Variants in SERPINA4 observed in about 807,000 individuals in gnomAD.
SERPINA4 encodes the protein serpin family A member 4.
A neutral mutation model predicts 25.4 loss-of-function variants in SERPINA4; 24 were observed. The ratio of observed to expected loss-of-function variants is 0.95; its 90% CI spans 0.69 to 1.33. SERPINA4 has a LOEUF of 1.33. Ranked by LOEUF, SERPINA4 falls within the 40% of genes most tolerant of loss-of-function variation. The pLI is 0.00. For missense variants in SERPINA4, 553 were observed against 535.8 expected (o/e 1.03, Z -0.32); for synonymous variants, 242 against 223.6 (o/e 1.08, Z -0.73).
intron 1 of SERPINA4, among the ~76,000 whole-genome samples, chr14:94,562,086 A>G (rs571855874): frequency 5.9e-5 from 9 of 152,374 alleles, no homozygotes; most frequent in African/African-American, 2.2e-4. Context: ...TGAAAAATCA[A>G]TAGAAGAACA....
intron 3 of SERPINA4, 118 bp downstream of exon 3, chr14:94,567,361 T>A: frequency 8.9e-7 from 1 of 1,127,390 alleles, no homozygotes; most frequent in Non-Finnish European, 1.2e-6. Flanking sequence ...AATTCTCACT[T>A]GCTCTGAGAA....
At chr14:94,567,877 A>G (rs1414074485) in intron 3 of SERPINA4, among the ~76,000 whole-genome samples, 1 of 152,222 alleles carries the variant, frequency 6.6e-6, no homozygotes. Flanking sequence ...TGGGCACCTG[A>G]ACACCCACAG....
Position 94,569,651 on chromosome 14 carries a change from G to GGACAGCCTGACA in SERPINA4, c.*58_*59insCAGCCTGACAGA. 6 of 1,567,856 alleles carry GGACAGCCTGACA rather than the reference G, an allele frequency of 3.8e-6. No individual in the cohort carries two copies. The highest frequency in any genetic ancestry group is 1.4e-5 in the African/African-American group (1 of 74,034). The stretch of plus-strand genomic sequence containing the variant: ...AGGAGGATGTGGCAGGGGAGGGCTG[G>GGACAGCCTGACA]GAGTGAGTAGCTCTGTGTTTAGAGT... On this transcript the variant is annotated 3_prime_UTR_variant, in exon 5 of 5. Coordinates refer to ENST00000557004, the MANE Select transcript of SERPINA4 (RefSeq NM_006215.4).
At chr14:94,568,318 A>T (rs942402785) in intron 4 of SERPINA4, 30 bp downstream of exon 4, 1 of 1,612,780 alleles carries the variant, frequency 6.2e-7, no homozygotes, top group African/African-American at 1.3e-5. Flanking sequence ...CAATCCCTAG[A>T]GAACTCGGTA....
intron 4 of SERPINA4, 82 bp downstream of exon 4, chr14:94,568,370 G>A: frequency 6.9e-7 from 1 of 1,449,236 alleles, no homozygotes; most frequent in East Asian, 2.3e-5. Context: ...GGGCTCCCAA[G>A]CTGCCACATG....
Position 94,569,653 on chromosome 14 carries a change from A to G in SERPINA4, c.*58A>G. On this transcript the variant is annotated 3_prime_UTR_variant, in exon 5 of 5. Coordinates refer to ENST00000557004, the MANE Select transcript of SERPINA4 (RefSeq NM_006215.4). ...GAGGATGTGGCAGGGGAGGGCTGGGAGTGAGTAGCTCTGTGTTTAGAGTTG... is the reference window on the plus strand; with the variant it reads ...GAGGATGTGGCAGGGGAGGGCTGGGGGTGAGTAGCTCTGTGTTTAGAGTTG... The G allele has an allele frequency of 6.4e-7, 1 of 1,563,728 alleles. No individual in the cohort carries two copies.
At position 94,563,894 on chromosome 14, in the gene SERPINA4, C is replaced by T. The variant is rs140563422; in HGVS notation, c.412C>T (p.Arg138Cys). 919 of 1,614,172 alleles carry T rather than the reference C, an allele frequency of 5.7e-4. 3 individuals are homozygous for T. In the African/African-American group the frequency reaches 0.01, roughly 18 times the overall value. The part of the protein sequence containing the change: ...LNLPGHGLET[R>C]VGSALFLSHN... ...CCTCCCCGGCCATGGGCTGGAAACACGCGTGGGCAGTGCTCTGTTCCTGAG... is the reference window on the plus strand; with the variant it reads ...CCTCCCCGGCCATGGGCTGGAAACATGCGTGGGCAGTGCTCTGTTCCTGAG... The change falls in exon 2 of 5, where the codon CGC becomes TGC. Residue 138 changes from arginine to cysteine, a missense_variant. Physicochemically the swap from Arg to Cys is radical, Grantham distance 180. Coordinates refer to ENST00000557004, the MANE Select transcript of SERPINA4 (RefSeq NM_006215.4).
chr14:94,564,894 C>T (rs1169985600), intron 2 of SERPINA4, among the ~76,000 whole-genome samples: 1 of 152,224 alleles, frequency 6.6e-6, no homozygotes, highest in Non-Finnish European at 1.5e-5. Flanking sequence ...AGTCCTACCA[C>T]TCAGAGGCAA....
chr14:94,564,177 C>T (rs71431647), intron 2 of SERPINA4, 46 bp downstream of exon 2: 14 of 1,558,852 alleles, frequency 9.0e-6, no homozygotes, highest in Non-Finnish European at 1.2e-5. Flanking sequence ...ACCACCGCCT[C>T]CAACCCACTA....
intron 1 of SERPINA4, chr14:94,561,902 G>A: frequency 7.8e-7 from 1 of 1,283,434 alleles, no homozygotes; most frequent in Non-Finnish European, 1.0e-6. Context: ...ACTGCTGAGT[G>A]GAGAACAGAG....
intron 4 of SERPINA4, among the ~76,000 whole-genome samples, chr14:94,568,966 G>A (rs766464420): frequency 2.6e-5 from 4 of 152,138 alleles, no homozygotes; most frequent in Non-Finnish European, 5.9e-5. Flanking sequence ...GCAGATAAGA[G>A]AAAGAGACTC....
At chr14:94,569,290 G>T in intron 4 of SERPINA4, 105 bp from the exon 5 acceptor site, 1 of 1,020,008 alleles carries the variant, frequency 9.8e-7, no homozygotes, top group Non-Finnish European at 1.4e-6. Context: ...GGCCTTGCAG[G>T]CTGTTATGTG....
rs1367735254 is a variant in SERPINA4 at position 94,563,481 on chromosome 14, G to C, written c.-2G>C. 2 of 1,610,836 alleles carry C rather than the reference G, an allele frequency of 1.2e-6. No individual in the cohort carries two copies. The highest frequency in any genetic ancestry group is 1.7e-6 in the Non-Finnish European group (2 of 1,178,180). ...CCTCCCATAGGCCTGAGAGTGCAGA[G>C]GATGCATCTTATCGACTACCTGCTC... On this transcript the variant is annotated 5_prime_UTR_variant, in exon 2 of 5. Transcript: ENST00000557004.
chr14:94,566,116 A>G (rs1422789416), intron 2 of SERPINA4, among the ~76,000 whole-genome samples: 1 of 152,084 alleles, frequency 6.6e-6, no homozygotes, highest in African/African-American at 2.4e-5. Context: ...CATTGTGGTC[A>G]CTTCCTTGCA....
chr14:94,567,908 G>C (rs779335974), intron 3 of SERPINA4, among the ~76,000 whole-genome samples: 19 of 152,330 alleles, frequency 1.2e-4, no homozygotes, highest in Non-Finnish European at 2.4e-4. Flanking sequence ...CTGAAGAGGG[G>C]TTCCCAAGGA....
intron 2 of SERPINA4, 49 bp from the exon 3 acceptor site, chr14:94,566,921 G>A (rs960181074): frequency 1.3e-6 from 2 of 1,569,098 alleles, no homozygotes; most frequent in Non-Finnish European, 1.7e-6. Flanking sequence ...TGGAGGACTA[G>A]CTCTGTGGCC....
intron 1 of SERPINA4, 49 bp from the exon 2 acceptor site, chr14:94,563,411 TAGGGCC>T (rs1346767732): frequency 1.3e-6 from 2 of 1,528,250 alleles, no homozygotes; most frequent in Non-Finnish European, 1.8e-6. Context: ...GCCTTCTCAG[TAGGGCC>T]AGGTGTTCTT....
intron 2 of SERPINA4, among the ~76,000 whole-genome samples, chr14:94,565,260 C>A (rs1902167429): frequency 6.6e-6 from 1 of 152,166 alleles, no homozygotes; most frequent in South Asian, 2.1e-4. Flanking sequence ...CTGTGGTAGC[C>A]TGGGGCTGCT....
chr14:94,568,780 T>C (rs993605233), intron 4 of SERPINA4, among the ~76,000 whole-genome samples: 78 of 150,494 alleles, frequency 5.2e-4, no homozygotes, highest in African/African-American at 1.7e-3. Flanking sequence ...GAGAATTGCT[T>C]GAGCCTGGGA....
Sources: gnomAD v4.1 joint callset for allele counts (sites outside exome capture counted in the v4.1 genomes callset) on GRCh38, gnomAD v4.1.1 for gene constraint, MANE v1.5 for transcripts, NCBI Gene and HGNC (gene_info 2026-07-23, HGNC 2026-07-21) for gene names.